The following HCRTR2 variants were observed in gnomAD, a reference collection of about 807,000 sequenced individuals.
HCRTR2 encodes the protein orexin receptor type 2.
A neutral mutation model predicts 49.0 loss-of-function variants in HCRTR2; 22 were observed. The observed-to-expected ratio is 0.45, with a 90% confidence interval of 0.32 to 0.64. The LOEUF is 0.64. HCRTR2 is among the 30% of genes least tolerant of loss of function. The pLI is 0.04. For missense variants in HCRTR2, 491 were observed against 559.4 expected, an observed-to-expected ratio of 0.88 and a Z score of 1.23; for synonymous variants, 236 against 205.3, an observed-to-expected ratio of 1.15 and a Z score of -1.28.
chr6:55,272,280 C>G (rs1227077023), intron 4 of HCRTR2, among the ~76,000 whole-genome samples: 1 of 152,050 alleles, frequency 6.6e-6, no homozygotes, highest in Non-Finnish European at 1.5e-5. Flanking sequence ...TTACATAATT[C>G]TATTTGCATG....
chr6:55,258,419 A>G (rs968987669), intron 3 of HCRTR2, among the ~76,000 whole-genome samples: 1 of 152,016 alleles, frequency 6.6e-6, no homozygotes, highest in African/African-American at 2.4e-5. Context: ...TGTTTTACTC[A>G]TGGTGCAAAA....
intron 1 of HCRTR2, among the ~76,000 whole-genome samples, chr6:55,230,354 A>C (rs765831944): frequency 3.3e-5 from 5 of 152,196 alleles, no homozygotes; most frequent in Admixed American, 2.0e-4. Context: ...AATAACAAAA[A>C]TGACAGGATT....
At chr6:55,213,130 G>GGTAGAAAT (rs927869596) in intron 1 of HCRTR2, among the ~76,000 whole-genome samples, 7 of 152,086 alleles carry the variant, frequency 4.6e-5, no homozygotes, top group African/African-American at 1.4e-4. Flanking sequence ...TCAAACCCTA[G>GGTAGAAAT]GTAGAAATAA....
At chr6:55,245,919 G>A (rs1040299546) in intron 1 of HCRTR2, among the ~76,000 whole-genome samples, 1 of 151,952 alleles carries the variant, frequency 6.6e-6, no homozygotes, top group Admixed American at 6.6e-5. Flanking sequence ...TGGGGTCATT[G>A]CAGATGTAAT....
At position 55,144,587 on chromosome 6, in the gene HCRTR2, C is replaced by T. The variant is rs150131778; in HGVS notation, c.-377-29624C>T. On this transcript the variant is annotated intron_variant, in intron 1 of 7. Transcript: ENST00000615358. ...GGGGTTTGGTTTCAGGATGAAACTT[C>T]CACCTCAGATCATCAGGTTAGATTC... 4.5e-3 allele frequency among the ~76,000 whole-genome samples: 686 copies of T among 152,276 alleles called. 5 individuals carry two copies. The highest frequency in any genetic ancestry group is 6.3e-3 in the Non-Finnish European group (428 of 68,020).
chr6:55,202,903 C>T (rs767202403), intron 1 of HCRTR2, among the ~76,000 whole-genome samples: 11 of 152,186 alleles, frequency 7.2e-5, no homozygotes, highest in Non-Finnish European at 1.2e-4. Flanking sequence ...TGCCACCCAA[C>T]GCACACATCC....
chr6:55,178,292 T>G (rs1413757190), intron 1 of HCRTR2, among the ~76,000 whole-genome samples: 1 of 152,152 alleles, frequency 6.6e-6, no homozygotes, highest in South Asian at 2.1e-4. Context: ...TCATCTGGTA[T>G]GCTTCTGTCA....
chr6:55,180,953 C>T (rs1362994137), intron 1 of HCRTR2, among the ~76,000 whole-genome samples: 1 of 147,744 alleles, frequency 6.8e-6, no homozygotes, highest in East Asian at 2.1e-4. Context: ...GCACATGCCA[C>T]CATGCCCAGC....
intron 1 of HCRTR2, among the ~76,000 whole-genome samples, chr6:55,216,512 G>C (rs374543516): frequency 6.6e-6 from 1 of 152,152 alleles, no homozygotes; most frequent in African/African-American, 2.4e-5. Context: ...TTCCCTTGTC[G>C]AAAGGGAAAA....
At chr6:55,154,040 A>T (rs999926605) in intron 1 of HCRTR2, among the ~76,000 whole-genome samples, 1 of 151,780 alleles carries the variant, frequency 6.6e-6, no homozygotes, top group African/African-American at 2.4e-5. Context: ...AAAATGGATA[A>T]ATTCCTAGAA....
downstream of HCRTR2, among the ~76,000 whole-genome samples, chr6:55,283,620 C>T (rs1767235701): frequency 6.6e-6 from 1 of 151,850 alleles, no homozygotes; most frequent in Admixed American, 6.6e-5. Flanking sequence ...AACTTATTCC[C>T]CTGAAAAATT....
chr6:55,143,031 T>C (rs1369718051), intron 1 of HCRTR2, among the ~76,000 whole-genome samples: 1 of 151,454 alleles, frequency 6.6e-6, no homozygotes, highest in Non-Finnish European at 1.5e-5. Context: ...TAGAACAGCC[T>C]GAATATTATG....
At chr6:55,193,704 A>T (rs780588055) in intron 1 of HCRTR2, among the ~76,000 whole-genome samples, 14 of 152,056 alleles carry the variant, frequency 9.2e-5, no homozygotes, top group Non-Finnish European at 2.1e-4. Flanking sequence ...CATAAAATAC[A>T]TTAGTTTAAT....
chr6:55,234,971 A>G lies in HCRTR2; in HGVS notation c.224-13668A>G, dbSNP rs183920191. Among the ~76,000 whole-genome samples, 27 of 152,302 alleles carry G rather than the reference A, an allele frequency of 1.8e-4. 1 individual carries two copies. In the East Asian group the frequency reaches 4.8e-3, roughly 27 times the overall value. On this transcript the variant is annotated intron_variant, in intron 1 of 6. Transcript: ENST00000370862. Reference sequence around the variant, plus strand: ...TTTCCATCAATTGTAGAGTATTTCAATGATAATATAATCACACACTGGAAT... The same window carrying G: ...TTTCCATCAATTGTAGAGTATTTCAGTGATAATATAATCACACACTGGAAT...
At chr6:55,197,625 C>T (rs975912464) in intron 1 of HCRTR2, among the ~76,000 whole-genome samples, 3 of 151,940 alleles carry the variant, frequency 2.0e-5, no homozygotes, top group Admixed American at 2.0e-4. Flanking sequence ...AAGCTTGATC[C>T]TTTCTCTTTT....
chr6:55,262,303 C>A (rs1766772998), intron 3 of HCRTR2, among the ~76,000 whole-genome samples: 1 of 139,548 alleles, frequency 7.2e-6, no homozygotes, highest in African/African-American at 2.7e-5. Context: ...ATTCAGATTC[C>A]CGACATAATA....
upstream of HCRTR2, among the ~76,000 whole-genome samples, chr6:55,172,170 G>A (rs945750867): frequency 3.3e-5 from 5 of 152,162 alleles, no homozygotes; most frequent in Non-Finnish European, 7.3e-5. Flanking sequence ...AGAATTTAAG[G>A]TCTGTTTAAA....
At chr6:55,170,567 GTTTACTTA>G (rs955117114), upstream of HCRTR2, among the ~76,000 whole-genome samples, 12 of 150,990 alleles carry the variant, frequency 7.9e-5, no homozygotes, top group African/African-American at 2.9e-4. Context: ...GATATCACAT[GTTTACTTA>G]TTTATTTATT....
At chr6:55,192,106 C>A (rs1765325835) in intron 1 of HCRTR2, among the ~76,000 whole-genome samples, 1 of 151,748 alleles carries the variant, frequency 6.6e-6, no homozygotes, top group Non-Finnish European at 1.5e-5. Flanking sequence ...TACATAAAAT[C>A]CTGTGTATAC....
Sources: allele counts gnomAD v4.1 joint callset (sites outside exome capture counted in the v4.1 genomes callset), GRCh38; gene constraint gnomAD v4.1.1; transcripts MANE v1.5; gene names NCBI Gene and HGNC (gene_info 2026-07-23, HGNC 2026-07-21).